The following PRPH2 variants were observed in gnomAD, a reference collection of about 807,000 sequenced individuals.
PRPH2 encodes peripherin 2.
In PRPH2, 17 loss-of-function variants were observed where a neutral mutation model predicts 31.3. The ratio of observed to expected loss-of-function variants is 0.54; its 90% confidence interval spans 0.37 to 0.81. PRPH2 has a LOEUF of 0.81. PRPH2 is among the 40% of genes least tolerant of loss of function. PRPH2 has a pLI of 0.00. For synonymous variants in PRPH2, 165 were observed against 184.4 expected, an observed-to-expected ratio of 0.89 and a Z score of 0.85; for missense variants, 430 against 439.7, an observed-to-expected ratio of 0.98 and a Z score of 0.20.
rs1212302975 is a variant in PRPH2 at position 42,697,707 on chromosome 6, G to A, written c.*588C>T. 1 of 152,316 alleles carries A rather than the reference G, an allele frequency of 6.6e-6. No individual in the cohort carries two copies. Among genetic ancestry groups the A allele is most frequent in the Non-Finnish European group, 1.5e-5 (1 of 68,718 alleles). The allele number at this position is 152,316 out of a possible 1,614,324, so 9.4% of individuals were successfully genotyped here. ...TCTTGCTCCATGATTAAAGAATCCT[G>A]TTTAGAGCCCTCAATGCCTTAAGAG... On this transcript the variant is annotated 3_prime_UTR_variant, in exon 3 of 3. Coordinates refer to ENST00000230381, the MANE Select transcript of PRPH2 (RefSeq NM_000322.5).
intron 1 of PRPH2, chr6:42,711,799 G>A (rs1748408113): frequency 1.0e-6 from 1 of 985,444 alleles, no homozygotes; most frequent in Non-Finnish European, 1.2e-6. Flanking sequence ...TGAAGAGCAA[G>A]AGCTTGGTGC....
chr6:42,707,784 C>T (rs769635778), intron 1 of PRPH2, among the ~76,000 whole-genome samples: 33 of 152,128 alleles, frequency 2.2e-4, no homozygotes, highest in Non-Finnish European at 3.5e-4. Flanking sequence ...TGTTTCCACA[C>T]GCCCTGTAAT....
At chr6:42,718,863 T>G (rs1467332164) in intron 1 of PRPH2, among the ~76,000 whole-genome samples, 1 of 151,996 alleles carries the variant, frequency 6.6e-6, no homozygotes, top group Non-Finnish European at 1.5e-5. Context: ...CAGGGTTTCA[T>G]CATGTTGCCC....
intron 2 of PRPH2, among the ~76,000 whole-genome samples, chr6:42,700,203 TG>T (rs1319408108): frequency 4.6e-5 from 7 of 152,172 alleles, no homozygotes; most frequent in Admixed American, 4.6e-4. Context: ...TGACCTCAGG[TG>T]ATCTGCCCGC....
At position 42,704,521 on chromosome 6, in the gene PRPH2, C is replaced by G. The variant is rs531163228; in HGVS notation, c.672G>C (p.Gln224His). 6.2e-7 allele frequency: 1 copy of G among 1,614,204 alleles called. No individual in the cohort carries two copies. Among genetic ancestry groups the G allele is most frequent in the Admixed American group, 1.7e-5 (1 of 60,020 alleles). Residue 224 changes from glutamine (Q) to histidine (H), a missense_variant, in exon 2 of 3, where the codon CAG becomes CAC. Gln to His is a conservative substitution (Grantham distance 24, BLOSUM62 0). Coordinates refer to ENST00000230381, the MANE Select transcript of PRPH2 (RefSeq NM_000322.5). ...CNPSSPRPCI[Q>H]YQITNNSAHY... The stretch of plus-strand genomic sequence containing the variant: ...GTGCTGAGTTGTTGGTGATCTGATA[C>G]TGGATGCAGGGCCGTGGCGAGCTAG...
intron 1 of PRPH2, among the ~76,000 whole-genome samples, chr6:42,708,030 G>A (rs1800199023): frequency 6.6e-6 from 1 of 152,162 alleles, no homozygotes; most frequent in Non-Finnish European, 1.5e-5. Flanking sequence ...GAAGAGTGCT[G>A]GTATTAATAC....
chr6:42,718,749 A>G (rs1273968890), intron 1 of PRPH2, among the ~76,000 whole-genome samples: 1 of 152,068 alleles, frequency 6.6e-6, no homozygotes, highest in Non-Finnish European at 1.5e-5. Context: ...CCTGGGCTCA[A>G]ATAAATTATC....
intron 1 of PRPH2, among the ~76,000 whole-genome samples, chr6:42,710,205 CTG>C (rs1800249394): frequency 6.6e-6 from 1 of 151,770 alleles, no homozygotes; most frequent in African/African-American, 2.4e-5. Flanking sequence ...CCCCATCAGA[CTG>C]GGGTTCCCTG....
intron 2 of PRPH2, among the ~76,000 whole-genome samples, chr6:42,703,898 G>A (rs571129454): frequency 8.5e-5 from 13 of 152,218 alleles, no homozygotes; most frequent in Non-Finnish European, 2.9e-5. Flanking sequence ...TCAGGAGATC[G>A]AGACCATCCT....
chr6:42,711,103 C>T (rs1016822232), intron 1 of PRPH2, among the ~76,000 whole-genome samples: 4 of 152,082 alleles, frequency 2.6e-5, no homozygotes, highest in African/African-American at 9.7e-5. Context: ...AAACGTGAGG[C>T]CCAGCATGAC....
chr6:42,720,885 G>A, intron 1 of PRPH2, among the ~76,000 whole-genome samples: 1 of 152,228 alleles, frequency 6.6e-6, no homozygotes. Flanking sequence ...GCTGGAGCCA[G>A]TGCACAGGCT....
intron 1 of PRPH2, among the ~76,000 whole-genome samples, chr6:42,711,185 C>T (rs970932451): frequency 6.6e-6 from 1 of 152,102 alleles, no homozygotes. Context: ...AGATTAATGC[C>T]ATTATCATGG....
chr6:42,713,470 A>T (rs114380928), intron 1 of PRPH2, among the ~76,000 whole-genome samples: 1,592 of 152,252 alleles, frequency 0.01, 29 homozygotes, highest in African/African-American at 0.036. Context: ...AGAGCCCGGA[A>T]TGGTGTTTCT....
At chr6:42,709,174 CA>C (rs1299779285) in intron 1 of PRPH2, among the ~76,000 whole-genome samples, 1 of 151,416 alleles carries the variant, frequency 6.6e-6, no homozygotes, top group East Asian at 1.9e-4. Flanking sequence ...ACTAAAAATA[CA>C]AAAAATTAGC....
intron 1 of PRPH2, among the ~76,000 whole-genome samples, chr6:42,716,395 A>T (rs77412962): frequency 6.8e-6 from 1 of 146,728 alleles, no homozygotes. Flanking sequence ...CCCTATCTCT[A>T]TTTTTTTTTT....
At chr6:42,705,102 G>T (rs1487538131) in intron 1 of PRPH2, among the ~76,000 whole-genome samples, 1 of 152,170 alleles carries the variant, frequency 6.6e-6, no homozygotes, top group Non-Finnish European at 1.5e-5. Context: ...AGAGGCAGGG[G>T]ATGGAGACCC....
intron 1 of PRPH2, among the ~76,000 whole-genome samples, chr6:42,706,858 C>A (rs1432950126): frequency 6.6e-6 from 1 of 151,602 alleles, no homozygotes. Context: ...AGGCTTCATG[C>A]ATGGACAAGC....
chr6:42,715,091 C>A (rs993205322), intron 1 of PRPH2, among the ~76,000 whole-genome samples: 2 of 152,160 alleles, frequency 1.3e-5, no homozygotes, highest in South Asian at 4.2e-4. Flanking sequence ...TGTCTGTAAT[C>A]CCAGCTACTC....
chr6:42,710,643 G>T (rs746013474), intron 1 of PRPH2, among the ~76,000 whole-genome samples: 3 of 152,176 alleles, frequency 2.0e-5, no homozygotes, highest in African/African-American at 7.2e-5. Flanking sequence ...GGCCGGGGGC[G>T]GTGGAGGAGG....
Sources: allele counts gnomAD v4.1 joint callset (sites outside exome capture counted in the v4.1 genomes callset), GRCh38; gene constraint gnomAD v4.1.1; transcripts MANE v1.5; gene names NCBI Gene and HGNC (gene_info 2026-07-23, HGNC 2026-07-21).